Variants in SUN5 observed in about 807,000 individuals in gnomAD.
SUN5 encodes the protein Sad1 and UNC84 domain containing 5.
Under a neutral mutation model 53.7 loss-of-function variants are expected in SUN5, and 44 were observed. The observed-to-expected ratio is 0.82, with a 90% confidence interval of 0.64 to 1.05. SUN5 has a LOEUF of 1.05. Ranked by LOEUF, SUN5 falls within the 50% of genes least tolerant of loss-of-function variation. The pLI is 0.00. For synonymous variants in SUN5, 166 were observed against 179.8 expected (o/e 0.92, Z 0.62); for missense variants, 433 against 483.8 (o/e 0.90, Z 0.98).
chr20:32,987,554 C>A, intron 10 of SUN5, 106 bp downstream of exon 10: 2 of 762,078 alleles, frequency 2.6e-6, no homozygotes, highest in Non-Finnish European at 2.0e-6. Flanking sequence ...CGCCCCTGCC[C>A]CCACTCCCTT....
intron 8 of SUN5, 55 bp from the exon 9 acceptor site, chr20:32,989,753 C>T (rs1475370429): frequency 6.8e-7 from 1 of 1,478,098 alleles, no homozygotes; most frequent in African/African-American, 1.4e-5. Flanking sequence ...GGACTGTGAT[C>T]CCCACGTGTC....
intron 3 of SUN5, among the ~76,000 whole-genome samples, chr20:33,001,562 C>T (rs544127907): frequency 2.2e-4 from 22 of 98,314 alleles, no homozygotes; most frequent in African/African-American, 5.0e-4. Context: ...TTCTTTCTTT[C>T]TTTTCTTCCT....
At chr20:32,986,872 C>T (rs1989558500) in intron 10 of SUN5, among the ~76,000 whole-genome samples, 1 of 152,222 alleles carries the variant, frequency 6.6e-6, no homozygotes. Context: ...GCCTGTGCCC[C>T]TGCGTTCTAT....
At chr20:32,991,841 T>G (rs1468635968) in intron 8 of SUN5, among the ~76,000 whole-genome samples, 5 of 152,310 alleles carry the variant, frequency 3.3e-5, no homozygotes, top group African/African-American at 1.2e-4. Context: ...AATTTTAGTT[T>G]CTCCCAACAC....
At position 33,002,861 on chromosome 20, in the gene SUN5, T is replaced by G; in HGVS notation, c.136A>C (p.Asn46His). Residue 46 changes from asparagine to histidine, a missense_variant and splice_region_variant, in exon 2 of 13, where the codon AAT becomes CAT. Physicochemically the swap from Asn to His is moderately conservative, Grantham distance 68. Coordinates refer to ENST00000356173, the MANE Select transcript of SUN5 (RefSeq NM_080675.4). The stretch of plus-strand genomic sequence containing the variant: ...TACCAGGGCACCTGTCCTTGCTCAC[T>G]CATGTTTGGGGAGGTGTCCTCTGCC... ...RMAEDTSPNM[N>H]DNILLPVRNN... 6.2e-7 allele frequency: 1 copy of G among 1,614,068 alleles called. No individual in the cohort carries two copies. The highest frequency in any genetic ancestry group is 1.1e-5 in the South Asian group (1 of 91,074).
intron 9 of SUN5, among the ~76,000 whole-genome samples, chr20:32,989,268 G>A (rs1989640927): frequency 6.6e-6 from 1 of 152,204 alleles, no homozygotes; most frequent in South Asian, 2.1e-4. Context: ...GCTCTGTCTT[G>A]CTGACCTGTG....
chr20:32,984,211 C>A (rs988694151), intron 12 of SUN5, among the ~76,000 whole-genome samples: 10 of 152,196 alleles, frequency 6.6e-5, no homozygotes, highest in Non-Finnish European at 1.3e-4. Context: ...AACCTCCACC[C>A]TTTCTGGGCC....
intron 5 of SUN5, 104 bp downstream of exon 5, chr20:32,999,970 A>C: frequency 6.4e-7 from 1 of 1,558,400 alleles, no homozygotes; most frequent in South Asian, 1.2e-5. Flanking sequence ...GCAGATGGGG[A>C]AACTGAGTCA....
intron 12 of SUN5, among the ~76,000 whole-genome samples, chr20:32,984,224 A>G (rs935062002): frequency 6.6e-6 from 1 of 152,172 alleles, no homozygotes; most frequent in Non-Finnish European, 1.5e-5. Flanking sequence ...TCTGGGCCTC[A>G]GTCTCCCACT....
chr20:32,987,508 G>A (rs1989576007), intron 10 of SUN5, 152 bp downstream of exon 10: 3 of 343,136 alleles, frequency 8.7e-6, no homozygotes, highest in African/African-American at 7.9e-5. Flanking sequence ...CCCTGCCTTT[G>A]CCCCTGCATC....
In SUN5 at chr20:32,998,852, CAA is replaced by C. The variant is rs141684056; in HGVS notation, c.341-1167_341-1166del. 2.6e-3 allele frequency among the ~76,000 whole-genome samples: 363 copies of C among 141,766 alleles called. 2 individuals carry two copies. Among genetic ancestry groups the C allele is most frequent in the Non-Finnish European group, 4.0e-3 (263 of 64,968 alleles). The allele number at this position is 141,766 out of a possible 152,430, so 93.0% of individuals were successfully genotyped here. ...GCAACACAACAAGACTCAATCTCTCCAAAAAAAAAAAAATTTAAACAAAAATT... is the reference window on the plus strand; with the variant it reads ...GCAACACAACAAGACTCAATCTCTCCAAAAAAAAAAATTTAAACAAAAATT... On this transcript the variant is annotated intron_variant, in intron 5 of 12. Coordinates refer to ENST00000356173, the MANE Select transcript of SUN5 (RefSeq NM_080675.4).
intron 2 of SUN5, 71 bp downstream of exon 2, chr20:33,002,790 C>A: frequency 6.2e-7 from 1 of 1,606,688 alleles, no homozygotes; most frequent in South Asian, 1.1e-5. Context: ...CCCCAGGTTG[C>A]CCGTTTGACA....
rs1283934516 is a variant in SUN5 at position 33,001,388 on chromosome 20, T to C, written c.212-110A>G. On this transcript the variant is annotated intron_variant, in intron 3 of 12. Coordinates refer to ENST00000356173, the MANE Select transcript of SUN5 (RefSeq NM_080675.4). ...GGGAGGCCCTGGAGCTGGGAGACCCTCTCGACTTGTTGGCCGAGCCTGGGA... is the reference window on the plus strand; with the variant it reads ...GGGAGGCCCTGGAGCTGGGAGACCCCCTCGACTTGTTGGCCGAGCCTGGGA... 5.5e-6 allele frequency: 7 copies of C among 1,264,810 alleles called. No individual in the cohort carries two copies. In the African/African-American group the frequency reaches 1.0e-4, roughly 19 times the overall value. The allele number at this position is 1,264,810 out of a possible 1,614,324, so 78.3% of individuals were successfully genotyped here.
At position 32,999,871 on chromosome 20, in the gene SUN5, G is replaced by A. The variant is rs373927723; in HGVS notation, c.340+203C>T. The A allele has an allele frequency of 2.1e-4, 317 of 1,524,140 alleles. 4 individuals carry two copies. The South Asian group carries it at 3.8e-3, about 18-fold the overall frequency. 94.4% of individuals were successfully genotyped at this position (1,524,140 alleles called of 1,614,324 possible). ...ATGTTCATAACACGGTTTGGGGAGA[G>A]CTTTATAACTTCTGAAGCATTTCTT... On this transcript the variant is annotated intron_variant, in intron 5 of 12. Transcript: ENST00000356173.
chr20:32,985,531 G>C (rs1289157682), intron 11 of SUN5, among the ~76,000 whole-genome samples: 3 of 152,026 alleles, frequency 2.0e-5, no homozygotes, highest in Non-Finnish European at 4.4e-5. Flanking sequence ...GAAAAGCTTG[G>C]TTTAAAATAG....
At chr20:32,989,589 C>G in intron 9 of SUN5, 31 bp downstream of exon 9, 2 of 1,601,340 alleles carry the variant, frequency 1.2e-6, no homozygotes, top group Non-Finnish European at 1.7e-6. Context: ...ACACTTGAGG[C>G]AGTCAGATGG....
In SUN5 at chr20:33,001,856, A is replaced by G. The variant is rs905488802; in HGVS notation, c.212-578T>C. Among the ~76,000 whole-genome samples the G allele has an allele frequency of 6.6e-5, 10 of 151,882 alleles. No homozygotes were observed. In the South Asian group the frequency reaches 1.0e-3, roughly 16 times the overall value. Reference sequence around the variant, plus strand: ...GCTAATTTTTGTGGGGTTTCACTGTATTGGCCAGGTTGGTCTCAAACTCCT... The same window carrying G: ...GCTAATTTTTGTGGGGTTTCACTGTGTTGGCCAGGTTGGTCTCAAACTCCT... On this transcript the variant is annotated intron_variant, in intron 3 of 12. Coordinates refer to ENST00000356173, the MANE Select transcript of SUN5 (RefSeq NM_080675.4).
intron 8 of SUN5, among the ~76,000 whole-genome samples, chr20:32,993,546 A>G (rs1249454380): frequency 6.6e-6 from 1 of 152,248 alleles, no homozygotes; most frequent in Non-Finnish European, 1.5e-5. Context: ...ACAAGGTATT[A>G]ACTGAATTTC....
chr20:32,988,012 CAGT>C (rs1225682985), intron 9 of SUN5, among the ~76,000 whole-genome samples: 1 of 152,092 alleles, frequency 6.6e-6, no homozygotes, highest in Non-Finnish European at 1.5e-5. Context: ...GGCTGGATTG[CAGT>C]GGCGCGATCT....
Sources: allele counts gnomAD v4.1 joint callset (sites outside exome capture counted in the v4.1 genomes callset), GRCh38; gene constraint gnomAD v4.1.1; transcripts MANE v1.5; gene names NCBI Gene and HGNC (gene_info 2026-07-23, HGNC 2026-07-21).